The following RBFOX1 variants were observed in gnomAD, a reference collection of about 807,000 sequenced individuals.
RBFOX1 encodes RNA binding protein fox-1 homolog 1.
RBFOX1 carries 8 observed loss-of-function variants against 57.7 expected under a neutral mutation model. The ratio of observed to expected loss-of-function variants is 0.14; its 90% CI spans 0.08 to 0.25. RBFOX1 has a LOEUF of 0.25. Ranked by LOEUF, RBFOX1 falls within the 10% of genes least tolerant of loss-of-function variation. RBFOX1 has a pLI of 1.00. For missense variants in RBFOX1, 611 were observed against 548.5 expected, an observed-to-expected ratio of 1.11 and a Z score of -1.14; for synonymous variants, 326 against 222.4, an observed-to-expected ratio of 1.47 and a Z score of -4.15.
chr16:7,632,803 A>G (rs917195417), intron 11 of RBFOX1, among the ~76,000 whole-genome samples: 1 of 152,240 alleles, frequency 6.6e-6, no homozygotes, highest in Non-Finnish European at 1.5e-5. Flanking sequence ...TTAATTAGCC[A>G]TATAGGGGCT....
intron 2 of RBFOX1, among the ~76,000 whole-genome samples, chr16:5,579,974 A>C (rs1172913780): frequency 6.6e-6 from 1 of 151,880 alleles, no homozygotes; most frequent in Non-Finnish European, 1.5e-5. Context: ...TTTCACCAAC[A>C]TGGCTGGACT....
At chr16:6,361,192 G>T (rs1159924392) in intron 2 of RBFOX1, among the ~76,000 whole-genome samples, 1 of 152,072 alleles carries the variant, frequency 6.6e-6, no homozygotes, top group East Asian at 1.9e-4. Context: ...AGGCTCAAAA[G>T]GAATGGGACC....
At chr16:5,945,726 C>G (rs796936292) in intron 4 of RBFOX1, among the ~76,000 whole-genome samples, 3 of 152,356 alleles carry the variant, frequency 2.0e-5, no homozygotes, top group African/African-American at 7.2e-5. Context: ...CAAACCTCCA[C>G]TGTCCATCAC....
rs375494657 is a variant in RBFOX1, at chr16:6,821,454, G to C, written c.-16+166804G>C. Among the ~76,000 whole-genome samples the C allele has an allele frequency of 2.6e-5, 4 of 152,280 alleles. No individual in the cohort carries two copies. The South Asian group carries it at 8.3e-4, about 32-fold the overall frequency. On this transcript the variant is annotated intron_variant, in intron 3 of 15. Transcript: ENST00000550418. ...TAAGTGAACAATTCAGTGGCACATA[G>C]TGCATTAATGTTGTGCAACTACCAC... is the stretch of plus-strand genomic sequence containing the variant.
At chr16:5,639,534 G>A (rs933937743) in intron 3 of RBFOX1, among the ~76,000 whole-genome samples, 1 of 152,156 alleles carries the variant, frequency 6.6e-6, no homozygotes, top group African/African-American at 2.4e-5. Flanking sequence ...CTGAGTAGTG[G>A]CTTCCCTTTT....
intron 1 of RBFOX1, among the ~76,000 whole-genome samples, chr16:5,428,972 C>T (rs1201304616): frequency 1.3e-5 from 2 of 152,084 alleles, no homozygotes; most frequent in African/African-American, 2.4e-5. Context: ...CTTTTCCTCT[C>T]TTCCTAACAA....
Position 7,710,803 on chromosome 16 carries a change from A to C in RBFOX1, c.*58A>C. On this transcript the variant is annotated 3_prime_UTR_variant, in exon 16 of 16. Coordinates refer to ENST00000550418, the MANE Select transcript of RBFOX1 (RefSeq NM_018723.4). ...GAGAAAGGAAGCTTTCCGAGGCCTGAGTATTGCAATACATGCAGTAGTACA... is the reference window on the plus strand; with the variant it reads ...GAGAAAGGAAGCTTTCCGAGGCCTGCGTATTGCAATACATGCAGTAGTACA... 7.1e-7 allele frequency: 1 copy of C among 1,417,470 alleles called. No individual in the cohort carries two copies. Among genetic ancestry groups the C allele is most frequent in the Non-Finnish European group, 9.4e-7 (1 of 1,060,482 alleles). 87.8% of individuals were successfully genotyped at this position (1,417,470 alleles called of 1,614,324 possible). A position where few individuals can be genotyped will look rare whatever the true frequency, so the allele number is the denominator to read the frequency against.
At position 5,823,627 on chromosome 16, in the gene RBFOX1, C is replaced by T. The variant is rs1167975577; in HGVS notation, c.319-43676C>T. 2.6e-5 allele frequency among the ~76,000 whole-genome samples: 4 copies of T among 152,260 alleles called. No individual in the cohort carries two copies. The East Asian group carries it at 7.7e-4, about 29-fold the overall frequency. On this transcript the variant is annotated intron_variant, in intron 3 of 19. Coordinates refer to the RBFOX1 transcript ENST00000641259. The stretch of plus-strand genomic sequence containing the variant: ...AGCCACTCCCCATCACTCACATTAT[C>T]ACCTGAGCTCCACCTCCAGTCAGGT...
intron 5 of RBFOX1, among the ~76,000 whole-genome samples, chr16:7,545,753 A>G (rs1444489935): frequency 6.6e-6 from 1 of 152,020 alleles, no homozygotes; most frequent in Non-Finnish European, 1.5e-5. Flanking sequence ...AGGGCAAGGA[A>G]CTGGGTCCCA....
intron 4 of RBFOX1, among the ~76,000 whole-genome samples, chr16:7,447,105 C>A (rs747408591): frequency 6.6e-6 from 1 of 151,992 alleles, no homozygotes; most frequent in African/African-American, 2.4e-5. Context: ...AGCCACTGTC[C>A]TCGGCCTCAA....
At chr16:7,028,293 G>A (rs183064336) in intron 3 of RBFOX1, among the ~76,000 whole-genome samples, 1 of 152,140 alleles carries the variant, frequency 6.6e-6, no homozygotes, top group Non-Finnish European at 1.5e-5. Flanking sequence ...CACAGTTCAT[G>A]CTCTGACTTG....
chr16:7,241,834 T>A (rs1478847769), intron 4 of RBFOX1, among the ~76,000 whole-genome samples: 1 of 151,976 alleles, frequency 6.6e-6, no homozygotes, highest in African/African-American at 2.4e-5. Context: ...TTTATACATA[T>A]ATTAAATATG....
chr16:6,213,206 A>C (rs1471593026), intron 1 of RBFOX1, among the ~76,000 whole-genome samples: 1 of 151,920 alleles, frequency 6.6e-6, no homozygotes, highest in African/African-American at 2.4e-5. Flanking sequence ...TTTATGACCC[A>C]GTGTGTCTTT....
At position 7,466,847 on chromosome 16, in the gene RBFOX1, A is replaced by G. The variant is rs1024479203; in HGVS notation, c.28-51300A>G. ...ACACCATACTTCCAAAGGAATAAGG[A>G]CAAATTAGAGCAGGAAGAGACCAAA... is the stretch of plus-strand genomic sequence containing the variant. On this transcript the variant is annotated intron_variant, in intron 4 of 15. Coordinates refer to ENST00000550418, the MANE Select transcript of RBFOX1 (RefSeq NM_018723.4). 2.6e-5 allele frequency among the ~76,000 whole-genome samples: 4 copies of G among 152,198 alleles called. No individual in the cohort carries two copies. In the South Asian group the frequency reaches 8.3e-4, roughly 32 times the overall value.
At chr16:6,595,867 C>T (rs2097772011) in intron 2 of RBFOX1, among the ~76,000 whole-genome samples, 1 of 151,920 alleles carries the variant, frequency 6.6e-6, no homozygotes, top group African/African-American at 2.4e-5. Context: ...TTTGGACAAA[C>T]CCTATTAAAA....
At chr16:6,336,167 A>G (rs981936345) in intron 2 of RBFOX1, among the ~76,000 whole-genome samples, 4 of 20,136 alleles carry the variant, frequency 2.0e-4, no homozygotes, top group African/African-American at 8.2e-4. Flanking sequence ...ATATATATAT[A>G]TATATATATA....
chr16:7,324,090 A>G (rs530158157), intron 4 of RBFOX1, among the ~76,000 whole-genome samples: 18 of 152,262 alleles, frequency 1.2e-4, no homozygotes, highest in Non-Finnish European at 1.5e-4. Context: ...AATAGTCATC[A>G]TGAATTCCCA....
At chr16:5,377,572 A>AGGAAG (rs201820948) in intron 1 of RBFOX1, among the ~76,000 whole-genome samples, 1 of 143,934 alleles carries the variant, frequency 6.9e-6, no homozygotes, top group African/African-American at 2.6e-5. Context: ...AGGAAAGGAA[A>AGGAAG]GAGAGGAGAT....
intron 3 of RBFOX1, among the ~76,000 whole-genome samples, chr16:6,949,587 T>C (rs977899595): frequency 6.6e-6 from 1 of 152,184 alleles, no homozygotes; most frequent in Non-Finnish European, 1.5e-5. Flanking sequence ...GCCTTTTTTT[T>C]TGTGCCTACG....
Sources: allele counts gnomAD v4.1 joint callset (sites outside exome capture counted in the v4.1 genomes callset), GRCh38; gene constraint gnomAD v4.1.1; transcripts MANE v1.5; gene names NCBI Gene and HGNC (gene_info 2026-07-23, HGNC 2026-07-21).